The following SCHIP1 variants were observed in gnomAD, a reference collection of about 807,000 sequenced individuals.
SCHIP1 encodes schwannomin interacting protein 1.
A neutral mutation model predicts 29.7 loss-of-function variants in SCHIP1; 8 were observed. The observed-to-expected ratio is 0.27, with a 90% confidence interval of 0.16 to 0.49. The LOEUF (loss-of-function observed/expected upper bound fraction) is 0.49, where lower values mean the gene tolerates loss of function less well. Ranked by LOEUF, SCHIP1 falls within the 20% of genes least tolerant of loss-of-function variation. SCHIP1 has a pLI of 0.99. For synonymous variants in SCHIP1, 76 were observed against 94.9 expected, an observed-to-expected ratio of 0.80 and a Z score of 1.16; for missense variants, 193 against 294.6, an observed-to-expected ratio of 0.66 and a Z score of 2.52.
chr3:159,790,724 A>T, the SCHIP1 span, among the ~76,000 whole-genome samples: 8 of 152,322 alleles, frequency 5.3e-5, no homozygotes, highest in South Asian at 1.7e-3. Context: ...TTCTCTGCAC[A>T]TTGAGAGGAC....
the SCHIP1 span, among the ~76,000 whole-genome samples, chr3:159,509,483 G>A: frequency 6.6e-6 from 1 of 152,148 alleles, no homozygotes; most frequent in Admixed American, 6.5e-5. Context: ...GGTTAGTATT[G>A]TTATGTGTGA....
the SCHIP1 span, among the ~76,000 whole-genome samples, chr3:159,706,214 CT>C: frequency 2.1e-4 from 32 of 151,872 alleles, no homozygotes; most frequent in Non-Finnish European, 2.1e-4. Context: ...TATCTCAAGA[CT>C]TTTTTTTAAC....
the SCHIP1 span, among the ~76,000 whole-genome samples, chr3:159,713,245 A>AAAG: frequency 2.3e-5 from 3 of 128,896 alleles, no homozygotes; most frequent in African/African-American, 6.4e-5. Flanking sequence ...AGAAAGAAAG[A>AAAG]AAGAAAGAAA....
chr3:159,772,013 C>T, the SCHIP1 span, among the ~76,000 whole-genome samples: 2 of 152,162 alleles, frequency 1.3e-5, no homozygotes, highest in Non-Finnish European at 2.9e-5. Context: ...ATCACCTCAC[C>T]TCCCTCCATC....
At chr3:159,660,917 C>G in the SCHIP1 span, among the ~76,000 whole-genome samples, 2 of 152,276 alleles carry the variant, frequency 1.3e-5, no homozygotes, top group African/African-American at 4.8e-5. Context: ...ATCTATCTAT[C>G]CATCCATCCA....
intron 5 of SCHIP1, among the ~76,000 whole-genome samples, chr3:159,890,175 GTGA>G (rs1435139230): frequency 6.6e-6 from 1 of 152,050 alleles, no homozygotes; most frequent in Non-Finnish European, 1.5e-5. Context: ...ATAAAATAAT[GTGA>G]TAGCTGGAAT....
the SCHIP1 span, among the ~76,000 whole-genome samples, chr3:159,588,582 G>T: frequency 6.6e-6 from 1 of 152,134 alleles, no homozygotes; most frequent in Non-Finnish European, 1.5e-5. Context: ...TTCTTCTAGG[G>T]TTTTTATGGT....
the SCHIP1 span, among the ~76,000 whole-genome samples, chr3:159,421,145 C>G: frequency 1.3e-5 from 2 of 152,198 alleles, no homozygotes; most frequent in Non-Finnish European, 2.9e-5. Context: ...GACATCTTTA[C>G]CTGCTGTGTT....
chr3:159,885,846 C>T (rs145130991), intron 2 of SCHIP1, among the ~76,000 whole-genome samples: 56 of 152,388 alleles, frequency 3.7e-4, no homozygotes, highest in Middle Eastern at 3.4e-3. Context: ...CTCTAGATGA[C>T]ACCACGCAGC....
chr3:159,333,140 A>AT, the SCHIP1 span, among the ~76,000 whole-genome samples: 7 of 152,180 alleles, frequency 4.6e-5, no homozygotes, highest in African/African-American at 1.2e-4. Context: ...ACAAAAGGTT[A>AT]TTTTTTTAGT....
At chr3:159,795,969 T>C in the SCHIP1 span, among the ~76,000 whole-genome samples, 18 of 152,286 alleles carry the variant, frequency 1.2e-4, no homozygotes, top group African/African-American at 4.3e-4. Flanking sequence ...TGAATCAAAA[T>C]CACTGAGGTT....
At chr3:159,637,821 G>T in the SCHIP1 span, among the ~76,000 whole-genome samples, 2 of 152,118 alleles carry the variant, frequency 1.3e-5, no homozygotes, top group Non-Finnish European at 2.9e-5. Flanking sequence ...GCCAGCATTG[G>T]CCATTACAAG....
chr3:159,351,344 G>A, the SCHIP1 span, among the ~76,000 whole-genome samples: 7 of 152,166 alleles, frequency 4.6e-5, no homozygotes, highest in East Asian at 7.7e-4. Context: ...AATTCTTGGG[G>A]GTGGAATCAG....
the SCHIP1 span, among the ~76,000 whole-genome samples, chr3:159,767,419 G>C: frequency 6.6e-6 from 1 of 152,168 alleles, no homozygotes; most frequent in Non-Finnish European, 1.5e-5. Context: ...GTTTAGTGCT[G>C]CCTGGAGTAC....
the SCHIP1 span, among the ~76,000 whole-genome samples, chr3:159,460,584 C>T: frequency 1.3e-5 from 2 of 152,118 alleles, no homozygotes; most frequent in African/African-American, 2.4e-5. Flanking sequence ...GTAAGGTAAT[C>T]AACATGTCCC....
the SCHIP1 span, among the ~76,000 whole-genome samples, chr3:159,588,987 C>T: frequency 6.6e-6 from 1 of 152,048 alleles, no homozygotes; most frequent in Non-Finnish European, 1.5e-5. Flanking sequence ...TAGTTTTTTT[C>T]CAATTCTGTG....
At chr3:159,558,743 G>C in the SCHIP1 span, among the ~76,000 whole-genome samples, 4 of 152,142 alleles carry the variant, frequency 2.6e-5, no homozygotes, top group Admixed American at 6.5e-5. Context: ...TGCTATAATA[G>C]CAGCAGAGTG....
the SCHIP1 span, among the ~76,000 whole-genome samples, chr3:159,454,207 A>G: frequency 2.6e-5 from 4 of 152,200 alleles, no homozygotes; most frequent in African/African-American, 9.6e-5. Flanking sequence ...GAAGATTCTG[A>G]TACAATGGGT....
chr3:159,301,712 A>G, the SCHIP1 span, among the ~76,000 whole-genome samples: 1 of 152,150 alleles, frequency 6.6e-6, no homozygotes, highest in Non-Finnish European at 1.5e-5. Flanking sequence ...GTTGCCATGT[A>G]AGATGTGCCT....
Sources: allele counts gnomAD v4.1 joint callset (sites outside exome capture counted in the v4.1 genomes callset), GRCh38; gene constraint gnomAD v4.1.1; transcripts MANE v1.5; gene names NCBI Gene and HGNC (gene_info 2026-07-23, HGNC 2026-07-21).